NEK5: variants seen among roughly 807,000 people sequenced by gnomAD.
The protein encoded by NEK5 is NIMA related kinase 5.
A neutral mutation model predicts 109.2 loss-of-function variants in NEK5; 88 were observed. The observed-to-expected ratio is 0.81, with a 90% confidence interval of 0.68 to 0.96. The LOEUF (loss-of-function observed/expected upper bound fraction) is 0.96. Ranked by LOEUF, NEK5 falls within the 40% of genes least tolerant of loss-of-function variation. The pLI is 0.00. For missense variants in NEK5, 834 were observed against 920.7 expected (o/e 0.91, Z 1.22); for synonymous variants, 283 against 299.9 (o/e 0.94, Z 0.58).
chr13:52,108,378 A>T lies in NEK5; in HGVS notation c.494T>A (p.Ile165Asn). The T allele has an allele frequency of 6.2e-7, 1 of 1,610,408 alleles. No homozygotes were observed. ...TGGGGACAGGTAGTAAGGTGTTCCA[A>T]TACAAGTTCGAGCAAGTTCCATGGA... ...NNSMELARTC[I>N]GTPYYLSPEI... is the part of the protein sequence containing the mutation. Residue 165 changes from isoleucine to asparagine, a missense_variant, in exon 8 of 24, where the codon ATT (isoleucine) becomes AAT (asparagine). By Grantham distance (149) the Ile-to-Asn change is moderately radical (BLOSUM62 -3). This residue lies in a region of NEK5 where 777 missense variants were observed against 824.7 expected (regional missense o/e 0.94). Transcript: ENST00000684899.
Position 52,127,576 on chromosome 13 carries a change from A to G in NEK5, c.-23+19T>C. On this transcript the variant is annotated intron_variant, in intron 2 of 23. Coordinates refer to ENST00000684899, the MANE Select transcript of NEK5 (RefSeq NM_001365552.1). ...TAACAAAGTCAGAAAACTGATGACT[A>G]AAGTGTAAAAGAACTCACTTAGCTA... 3 of 728,874 alleles carry G rather than the reference A, an allele frequency of 4.1e-6. No individual in the cohort carries two copies. Among genetic ancestry groups the G allele is most frequent in the South Asian group, 1.6e-5 (1 of 60,664 alleles). 45.2% of individuals were successfully genotyped at this position (728,874 alleles called of 1,614,324 possible). A position where few individuals can be genotyped will look rare whatever the true frequency, so the allele number is the denominator to read the frequency against.
intron 16 of NEK5, among the ~76,000 whole-genome samples, chr13:52,085,013 C>T (rs1955109990): frequency 6.6e-6 from 1 of 152,068 alleles, no homozygotes. Context: ...CTTCTCTGTA[C>T]AGGGGTAAAT....
chr13:52,091,892 G>C (rs1307830508), intron 13 of NEK5, among the ~76,000 whole-genome samples: 3 of 152,080 alleles, frequency 2.0e-5, no homozygotes, highest in Non-Finnish European at 4.4e-5. Flanking sequence ...AAAATCCCTA[G>C]AACATAAATG....
chr13:52,037,270 A>G (rs532765599), intron 23 of NEK5, 52 bp from the exon 24 acceptor site: 72 of 872,012 alleles, frequency 8.3e-5, no homozygotes, highest in Admixed American at 2.5e-4. Context: ...GTACTGAAGA[A>G]TACATGTAAA....
At chr13:52,045,179 G>A (rs1450394307) in intron 23 of NEK5, among the ~76,000 whole-genome samples, 1 of 142,834 alleles carries the variant, frequency 7.0e-6, no homozygotes, top group African/African-American at 2.6e-5. Context: ...GCCCAGGCTG[G>A]AGTGCAGTGG....
intron 11 of NEK5, among the ~76,000 whole-genome samples, chr13:52,100,551 C>T (rs956313966): frequency 3.3e-5 from 5 of 152,180 alleles, no homozygotes; most frequent in Non-Finnish European, 7.3e-5. Flanking sequence ...ATGAGTAGAT[C>T]TTCTAATGCT....
intron 21 of NEK5, among the ~76,000 whole-genome samples, chr13:52,064,001 G>GC (rs1237585800): frequency 1.5e-4 from 21 of 139,964 alleles, no homozygotes; most frequent in African/African-American, 4.9e-4. Flanking sequence ...GGAGGTGGGG[G>GC]GGGGGGTCAG....
At chr13:52,112,660 T>C (rs760200819) in intron 4 of NEK5, among the ~76,000 whole-genome samples, 9 of 152,224 alleles carry the variant, frequency 5.9e-5, no homozygotes, top group Non-Finnish European at 1.2e-4. Flanking sequence ...TGTTGGCTAT[T>C]TTTATTAATA....
rs1258115349 is a variant in NEK5 at position 52,034,721 on chromosome 13, G to T, written c.*2227C>A. On this transcript the variant is annotated 3_prime_UTR_variant, in exon 24 of 24. Coordinates refer to ENST00000684899, the MANE Select transcript of NEK5 (RefSeq NM_001365552.1). ...TTTTTTTTTTTTTTTTTTTTCTGAG[G>T]GGTGGATAGAGATGGGTGTTTCCCT... 7 of 140,142 alleles carry T rather than the reference G, an allele frequency of 5.0e-5. No homozygotes were observed. The highest frequency in any genetic ancestry group is 2.9e-4 in the Admixed American group (4 of 13,828). 8.7% of individuals were successfully genotyped at this position (140,142 alleles called of 1,614,324 possible).
chr13:52,119,512 C>T, intron 3 of NEK5, 97 bp from the exon 4 acceptor site: 1 of 569,730 alleles, frequency 1.8e-6, no homozygotes. Context: ...TAGGATTTCA[C>T]TGGCTTTTAA....
intron 5 of NEK5, 110 bp from the exon 6 acceptor site, chr13:52,110,687 C>A: frequency 1.5e-6 from 1 of 648,118 alleles, no homozygotes; most frequent in Non-Finnish European, 2.8e-6. Context: ...CACACACATA[C>A]ACACATATAG....
chr13:52,127,476 T>C lies in NEK5; in HGVS notation c.7A>G (p.Lys3Glu). Residue 3 changes from lysine to glutamate, a missense_variant, in exon 3 of 24, where the codon AAG (lysine) becomes GAG (glutamate). Around this residue, in one of 2 missense-constraint regions of NEK5, gnomAD observed 777 missense variants for 824.7 expected, o/e 0.94. Transcript: ENST00000684899. ...CCGATGGCCTTAATCACATCGTACT[T>C]ATCCATGGTCTCCAATGGGCTGAGT... MD[K>E]YDVIKAIGQG... 1.3e-6 allele frequency: 2 copies of C among 1,580,436 alleles called. No individual in the cohort carries two copies. The highest frequency in any genetic ancestry group is 4.5e-5 in the East Asian group (2 of 44,712).
chr13:52,090,867 T>C (rs1387648761), intron 13 of NEK5, among the ~76,000 whole-genome samples: 1 of 151,848 alleles, frequency 6.6e-6, no homozygotes, highest in Admixed American at 6.6e-5. Flanking sequence ...CTTCTAAAAA[T>C]ACAAAAAAAT....
intron 3 of NEK5, among the ~76,000 whole-genome samples, chr13:52,120,020 C>G (rs563890382): frequency 2.0e-4 from 30 of 152,264 alleles, no homozygotes; most frequent in Non-Finnish European, 3.8e-4. Flanking sequence ...TTTTCTTCCT[C>G]ACTCTTGATG....
At chr13:52,067,946 C>A (rs1315380288) in intron 20 of NEK5, among the ~76,000 whole-genome samples, 2 of 152,118 alleles carry the variant, frequency 1.3e-5, no homozygotes, top group Non-Finnish European at 2.9e-5. Flanking sequence ...CCCACCTCAG[C>A]CTCCCAAAGT....
intron 23 of NEK5, among the ~76,000 whole-genome samples, chr13:52,041,267 G>A (rs1954410761): frequency 1.3e-5 from 2 of 152,038 alleles, no homozygotes; most frequent in South Asian, 4.1e-4. Flanking sequence ...CCTAAAGTAA[G>A]TATGCCCAAA....
intron 8 of NEK5, among the ~76,000 whole-genome samples, chr13:52,107,160 A>C (rs1330521857): frequency 1.3e-5 from 2 of 152,200 alleles, no homozygotes; most frequent in Non-Finnish European, 2.9e-5. Flanking sequence ...CTTCTAAACA[A>C]GTTTGAAACC....
At chr13:52,044,065 C>T (rs150334600) in intron 23 of NEK5, among the ~76,000 whole-genome samples, 108 of 152,280 alleles carry the variant, frequency 7.1e-4, no homozygotes, top group African/African-American at 2.6e-3. Flanking sequence ...GCTGCCAGCA[C>T]GGCTAGAATG....
rs1366526952 is a variant in NEK5 at position 52,065,372 on chromosome 13, C to A, written c.1975+112G>T. 7 of 1,408,684 alleles carry A rather than the reference C, an allele frequency of 5.0e-6. No homozygotes were observed. The East Asian group carries it at 1.4e-4, about 27-fold the overall frequency. The allele number at this position is 1,408,684 out of a possible 1,614,324, so 87.3% of individuals were successfully genotyped here. ...ACAACATATTTGAAAGTGTCTGATA[C>A]AAGATCTATAGGGTGTATAGTGAGA... On this transcript the variant is annotated intron_variant, in intron 21 of 23. Coordinates refer to ENST00000684899, the MANE Select transcript of NEK5 (RefSeq NM_001365552.1).
Sources: allele counts gnomAD v4.1 joint callset (sites outside exome capture counted in the v4.1 genomes callset), GRCh38; gene constraint gnomAD v4.1.1; regional missense constraint gnomAD v4.1.1; transcripts MANE v1.5; gene names NCBI Gene and HGNC (gene_info 2026-07-23, HGNC 2026-07-21).